Variants in C2CD5 observed in about 807,000 individuals in gnomAD.
The protein encoded by C2CD5 is C2 domain-containing protein 5.
In C2CD5, 109 loss-of-function variants were observed where a neutral mutation model predicts 130.3. The observed-to-expected ratio is 0.84, with a 90% CI of 0.72 to 0.98. The LOEUF (loss-of-function observed/expected upper bound fraction) is 0.98, where lower values mean the gene tolerates loss of function less well. Among genes scored for constraint, C2CD5 ranks in the 50% least tolerant of loss-of-function variants. The pLI is 0.00. For synonymous variants in C2CD5, 454 were observed against 429.2 expected (o/e 1.06, Z -0.71); for missense variants, 996 against 1,261.8 (o/e 0.79, Z 3.19).
chr12:22,502,107 T>C (rs572127417), intron 10 of C2CD5, among the ~76,000 whole-genome samples: 14 of 152,076 alleles, frequency 9.2e-5, no homozygotes, highest in Non-Finnish European at 2.1e-4. Flanking sequence ...CTCACTATCG[T>C]AGTCTGTTTA....
chr12:22,451,378 G>C (rs942879828), intron 26 of C2CD5, among the ~76,000 whole-genome samples: 1 of 152,066 alleles, frequency 6.6e-6, no homozygotes, highest in Non-Finnish European at 1.5e-5. Flanking sequence ...TATTTCTTAA[G>C]CTGAGGGTCA....
At chr12:22,467,310 C>T (rs188994182) in intron 22 of C2CD5, among the ~76,000 whole-genome samples, 2 of 152,118 alleles carry the variant, frequency 1.3e-5, no homozygotes, top group African/African-American at 4.8e-5. Context: ...GCTGGGACCA[C>T]AGGCACACCA....
At chr12:22,542,999 G>C (rs888530843) in intron 2 of C2CD5, among the ~76,000 whole-genome samples, 2 of 152,150 alleles carry the variant, frequency 1.3e-5, no homozygotes, top group African/African-American at 4.8e-5. Context: ...CCTAACATCT[G>C]GCACAAGAGC....
At chr12:22,515,513 A>T (rs756772999) in intron 8 of C2CD5, among the ~76,000 whole-genome samples, 36 of 152,148 alleles carry the variant, frequency 2.4e-4, no homozygotes, top group Non-Finnish European at 4.7e-4. Flanking sequence ...CCCATTTTCA[A>T]ATTTTTAGAG....
chr12:22,529,373 A>G (rs897277538), intron 3 of C2CD5, among the ~76,000 whole-genome samples: 5 of 152,160 alleles, frequency 3.3e-5, no homozygotes, highest in Non-Finnish European at 5.9e-5. Context: ...TAACTCCATT[A>G]AAAATACTCT....
At chr12:22,528,842 C>T (rs1950956902) in intron 3 of C2CD5, among the ~76,000 whole-genome samples, 1 of 152,002 alleles carries the variant, frequency 6.6e-6, no homozygotes, top group Non-Finnish European at 1.5e-5. Flanking sequence ...AACATTTATG[C>T]CTTTCCCTAT....
chr12:22,508,959 C>T (rs998675979), intron 9 of C2CD5, among the ~76,000 whole-genome samples: 5 of 151,538 alleles, frequency 3.3e-5, no homozygotes, highest in African/African-American at 4.9e-5. Flanking sequence ...TCACTGCAAG[C>T]TCCGCTTCCC....
intron 3 of C2CD5, among the ~76,000 whole-genome samples, chr12:22,530,414 G>A (rs1169265574): frequency 6.6e-6 from 1 of 150,768 alleles, no homozygotes; most frequent in Non-Finnish European, 1.5e-5. Flanking sequence ...ATTTTTCACA[G>A]CATATATATT....
Position 22,478,313 on chromosome 12 carries a change from T to A in C2CD5, c.1902A>T (p.Pro634=). The change falls in exon 15 of 27, where the codon CCA becomes CCT. Residue 634 remains proline (P), a splice_region_variant and synonymous_variant. Transcript: ENST00000446597. ...CACAATGTAGGTTTGTTTTACTTAC[T>A]GGAGGATTGATTTCATATAACTCTT... ...KNKELYEINP[P]EISEEIIGSP... 1 of 1,607,560 alleles carries A rather than the reference T, an allele frequency of 6.2e-7. No individual in the cohort carries two copies. Among genetic ancestry groups the A allele is most frequent in the Non-Finnish European group, 8.5e-7 (1 of 1,174,230 alleles).
intron 2 of C2CD5, among the ~76,000 whole-genome samples, chr12:22,536,695 C>T (rs1257009717): frequency 6.6e-6 from 1 of 152,018 alleles, no homozygotes; most frequent in Non-Finnish European, 1.5e-5. Flanking sequence ...TTAACATAAG[C>T]CAAAGAACTG....
In C2CD5 at chr12:22,493,276, A is replaced by G. The variant is rs1025669480; in HGVS notation, c.1209T>C (p.Ala403=). ...AEIRQEIKSH[A]KALGCHAVVG... is the part of the protein sequence containing the mutation. ...CTACAGCATGACAGCCTAATGCTTT[A>G]GCATGTGATTTTATTTCTTGTCTGA... Residue 403 remains alanine, a synonymous_variant, in exon 11 of 27, where the codon GCT becomes GCC. Coordinates refer to ENST00000446597, the MANE Select transcript of C2CD5 (RefSeq NM_001286176.2). 11 of 1,612,182 alleles carry G rather than the reference A, an allele frequency of 6.8e-6. No individual in the cohort carries two copies. The highest frequency in any genetic ancestry group is 9.3e-6 in the Non-Finnish European group (11 of 1,179,012).
At chr12:22,486,896 T>C (rs1168045708) in intron 12 of C2CD5, among the ~76,000 whole-genome samples, 1 of 152,048 alleles carries the variant, frequency 6.6e-6, no homozygotes, top group Non-Finnish European at 1.5e-5. Context: ...TCAGAAATAA[T>C]GCCACGCATC....
intron 14 of C2CD5, among the ~76,000 whole-genome samples, chr12:22,481,649 CTTTTTTTTTTTTTTT>C (rs34990025): frequency 8.6e-6 from 1 of 116,448 alleles, no homozygotes; most frequent in African/African-American, 3.3e-5. Flanking sequence ...AGAAACACAC[CTTTTTTTTTTTTTTT>C]TTTTTTTTGA....
intron 22 of C2CD5, among the ~76,000 whole-genome samples, chr12:22,468,981 A>C (rs1193037486): frequency 6.6e-6 from 1 of 152,240 alleles, no homozygotes; most frequent in Non-Finnish European, 1.5e-5. Context: ...AAATTTAGTG[A>C]AAAACACATA....
At position 22,449,905 on chromosome 12, in the gene C2CD5, A is replaced by G. The variant is rs1356214491; in HGVS notation, c.3025-14T>C. On this transcript the variant is annotated splice_polypyrimidine_tract_variant and intron_variant, in intron 26 of 26. Transcript: ENST00000446597. ...AAGACACTGTGCCTATAAGAACAAC[A>G]AACAGGACAGGTTCAGTTATACTCA... The G allele has an allele frequency of 6.3e-7, 1 of 1,598,656 alleles. No individual in the cohort carries two copies. The highest frequency in any genetic ancestry group is 1.3e-5 in the African/African-American group (1 of 74,828).
chr12:22,495,905 A>ACAGACTGTCAC (rs1946950245), intron 10 of C2CD5, among the ~76,000 whole-genome samples: 1 of 152,080 alleles, frequency 6.6e-6, no homozygotes, highest in Non-Finnish European at 1.5e-5. Context: ...GACAGTACAG[A>ACAGACTGTCAC]CTGAAAACTA....
intron 15 of C2CD5, among the ~76,000 whole-genome samples, chr12:22,476,901 CAA>C (rs1256597964): frequency 2.6e-5 from 4 of 152,062 alleles, no homozygotes; most frequent in East Asian, 3.9e-4. Context: ...AACAGATGTT[CAA>C]ATATCAAAAT....
At chr12:22,539,405 T>C (rs1952129630) in intron 2 of C2CD5, among the ~76,000 whole-genome samples, 1 of 152,080 alleles carries the variant, frequency 6.6e-6, no homozygotes, top group African/African-American at 2.4e-5. Flanking sequence ...ATAAACCTCT[T>C]AATATCAAGT....
intron 9 of C2CD5, among the ~76,000 whole-genome samples, chr12:22,511,948 G>C (rs1258148277): frequency 6.6e-6 from 1 of 152,118 alleles, no homozygotes; most frequent in East Asian, 1.9e-4. Flanking sequence ...AAAAAAAATG[G>C]TAAGTGGACA....
Sources: gnomAD v4.1 joint callset for allele counts (sites outside exome capture counted in the v4.1 genomes callset) on GRCh38, gnomAD v4.1.1 for gene constraint, MANE v1.5 for transcripts, NCBI Gene and HGNC (gene_info 2026-07-23, HGNC 2026-07-21) for gene names.